The following NEB variants were observed in gnomAD, a reference collection of about 807,000 sequenced individuals.
The protein encoded by NEB is nemaline myopathy type 2.
Under a neutral mutation model 952.2 loss-of-function variants are expected in NEB, and 512 were observed. That is an observed-to-expected ratio of 0.54 (90% CI 0.50 to 0.58). NEB has a LOEUF of 0.58. NEB is among the 20% of genes least tolerant of loss of function. The probability of loss-of-function intolerance (pLI) is 0.00; values close to 1 mark genes in which losing one functional copy is unlikely to be tolerated. For missense variants in NEB, 8,428 were observed against 9,231.1 expected, an observed-to-expected ratio of 0.91 and a Z score of 3.56; for synonymous variants, 2,900 against 3,149.8, an observed-to-expected ratio of 0.92 and a Z score of 2.66.
chr2:151,720,931 A>G (rs1390434945), intron 9 of NEB, among the ~76,000 whole-genome samples: 2 of 152,194 alleles, frequency 1.3e-5, no homozygotes, highest in African/African-American at 4.8e-5. Flanking sequence ...TTTCTAATTT[A>G]TCCATAGGAT....
At chr2:151,648,007 T>G (rs1316017936) in intron 54 of NEB, among the ~76,000 whole-genome samples, 1 of 152,120 alleles carries the variant, frequency 6.6e-6, no homozygotes, top group Non-Finnish European at 1.5e-5. Context: ...ATGAAGCAAT[T>G]TAATTTCTCA....
At chr2:151,569,405 C>T (rs1385828283) in intron 109 of NEB, 33 bp from the exon 110 acceptor site, 5 of 1,528,620 alleles carry the variant, frequency 3.3e-6, no homozygotes, top group South Asian at 1.1e-5. Flanking sequence ...AGTTCAGCAA[C>T]CCTGGTCATG....
At chr2:151,721,484 T>C (rs1383653394) in intron 9 of NEB, among the ~76,000 whole-genome samples, 1 of 152,152 alleles carries the variant, frequency 6.6e-6, no homozygotes, top group African/African-American at 2.4e-5. Context: ...CCTTTCTTCA[T>C]CACCACCCAT....
chr2:151,545,753 C>T lies in NEB; in HGVS notation c.20577+135G>A. 6.8e-6 allele frequency: 4 copies of T among 591,804 alleles called. 1 individual carries two copies. In the South Asian group the frequency reaches 7.1e-5, roughly 10 times the overall value. The allele number at this position is 591,804 out of a possible 1,614,324, so 36.7% of individuals were successfully genotyped here. The stretch of plus-strand genomic sequence containing the variant: ...TTGCTTAGACATAGTAGCCATTCCA[C>T]AGTTAAGAGGGGAAATATTTTACCT... On this transcript the variant is annotated intron_variant, in intron 135 of 181. Coordinates refer to ENST00000397345, the MANE Select transcript of NEB (RefSeq NM_001164508.2).
chr2:151,653,954 T>C, intron 52 of NEB, 38 bp downstream of exon 52: 1 of 1,383,998 alleles, frequency 7.2e-7, no homozygotes, highest in Non-Finnish European at 1.0e-6. Flanking sequence ...CTGATTCAGA[T>C]AAAAATATAG....
intron 17 of NEB, among the ~76,000 whole-genome samples, chr2:151,696,153 C>T (rs1036899678): frequency 1.3e-5 from 2 of 152,132 alleles, no homozygotes; most frequent in Non-Finnish European, 2.9e-5. Context: ...ACACTTAAAG[C>T]TCATATAATA....
Position 151,512,756 on chromosome 2 carries a change from G to T in NEB, c.23323C>A (p.Gln7775Lys). 6.2e-7 allele frequency: 1 copy of T among 1,613,654 alleles called. No individual in the cohort carries two copies. The highest frequency in any genetic ancestry group is 1.1e-5 in the South Asian group (1 of 91,034). The change falls in exon 161 of 182, where the codon CAA becomes AAA. Residue 7775 changes from glutamine (Q) to lysine (K), a missense_variant. Gln to Lys is a moderately conservative substitution (Grantham distance 53, BLOSUM62 1). Coordinates refer to ENST00000397345, the MANE Select transcript of NEB (RefSeq NM_001164508.2). ...ACCTGGCTTGAAAGATTCTTGACTTGTTGGGCATGAATGATCTCTGGAGTA... is the reference window on the plus strand; with the variant it reads ...ACCTGGCTTGAAAGATTCTTGACTTTTTGGGCATGAATGATCTCTGGAGTA... ...VDTPEIIHAQ[Q>K]VKNLSSQKKY...
Position 151,717,500 on chromosome 2 carries a change from G to A in NEB, c.738C>T (p.Leu246=), listed in dbSNP as rs368500993. 2.5e-5 allele frequency: 41 copies of A among 1,613,714 alleles called. No individual in the cohort carries two copies. The highest frequency in any genetic ancestry group is 1.2e-4 in the African/African-American group (9 of 75,030). ...ALSDVAYKKG[L]AEQQAQFTPL... The stretch of plus-strand genomic sequence containing the variant: ...GCGTGAATTGAGCTTGCTGTTCAGC[G>A]AGACCTTTTTTGTAGGCAACCTGAT... Residue 246 remains leucine, a synonymous_variant, in exon 10 of 182, where the codon CTC becomes CTT. Transcript: ENST00000397345.
In NEB at chr2:151,625,550, T is replaced by G; in HGVS notation, c.10436A>C (p.Lys3479Thr). Residue 3479 changes from lysine (K) to threonine (T), a missense_variant, in exon 71 of 182, where the codon AAA (lysine) becomes ACA (threonine). Lys to Thr is a moderately conservative substitution (Grantham distance 78). Transcript: ENST00000397345. ...TPEIMLARQN[K>T]INYSESLYRQ... Reference sequence around the variant, plus strand: ...TGATCTTACCTCACTATAATTTATTTTATTTTGTCTTGCCAACATGATTTC... The same window carrying G: ...TGATCTTACCTCACTATAATTTATTGTATTTTGTCTTGCCAACATGATTTC... 6.3e-7 allele frequency: 1 copy of G among 1,598,302 alleles called. No individual in the cohort carries two copies.
Position 151,656,329 on chromosome 2 carries a change from CAT to C in NEB, c.6317_6318del (p.Tyr2106Ter). ...GTGTGGTAGCTGGTCTTTGTGTTCTCATAGTTTTTCTTGTACTCCCGATCAGA... is the reference window on the plus strand; with the variant it reads ...GTGTGGTAGCTGGTCTTTGTGTTCTCAGTTTTTCTTGTACTCCCGATCAGA... ...MQSDREYKKNYENTKTSYHTP... is the reference protein window; with the variant it reads ...MQSDREYKKNXENTKTSYHTP... On this transcript the variant is annotated frameshift_variant, in exon 49 of 182. Transcript: ENST00000397345. LOFTEE classifies it high-confidence loss of function. 6.2e-7 allele frequency: 1 copy of C among 1,613,630 alleles called. No individual in the cohort carries two copies.
At position 151,570,428 on chromosome 2, in the gene NEB, A is replaced by T. The variant is rs756336950; in HGVS notation, c.17119-36T>A. ...AAAAATAAAGCAGATGGGTCACAGC[A>T]TGTCCTCTTGATGCACCTAGGGCAT... On this transcript the variant is annotated intron_variant, in intron 108 of 181. Transcript: ENST00000397345. The T allele has an allele frequency of 1.7e-5, 27 of 1,584,194 alleles. No homozygotes were observed. In the East Asian group the frequency reaches 2.0e-4, roughly 12 times the overall value.
chr2:151,500,106 A>G lies in NEB; in HGVS notation c.24022-716T>C, dbSNP rs572148392. ...AAAAGGAATAATAATTACAACCCAC[A>G]GGGAAAACAATGAGTATAACATTCC... On this transcript the variant is annotated intron_variant, in intron 168 of 181. Coordinates refer to ENST00000397345, the MANE Select transcript of NEB (RefSeq NM_001164508.2). 5.4e-4 allele frequency among the ~76,000 whole-genome samples: 83 copies of G among 152,326 alleles called. 1 individual carries two copies. The highest frequency in any genetic ancestry group is 1.7e-3 in the African/African-American group (72 of 41,570).
At position 151,698,044 on chromosome 2, in the gene NEB, C is replaced by T. The variant is rs532950615; in HGVS notation, c.1153-396G>A. On this transcript the variant is annotated intron_variant, in intron 13 of 181. Transcript: ENST00000397345. ...TGGCGCCATTGCACTCCAGCCCGGG[C>T]GACAATGCGAGACTCCGTCTCAAAA... Among the ~76,000 whole-genome samples the T allele has an allele frequency of 3.3e-4, 50 of 150,764 alleles. 1 individual carries two copies. Among genetic ancestry groups the T allele is most frequent in the Middle Eastern group, 6.8e-3 (2 of 294 alleles).
chr2:151,706,798 A>G (rs1320772412), intron 13 of NEB, 83 bp downstream of exon 13: 1 of 938,466 alleles, frequency 1.1e-6, no homozygotes, highest in East Asian at 2.6e-5. Context: ...GCAAAGTTAT[A>G]TATTCATTTA....
intron 52 of NEB, among the ~76,000 whole-genome samples, chr2:151,652,509 G>A (rs1261002323): frequency 6.6e-6 from 1 of 152,162 alleles, no homozygotes; most frequent in African/African-American, 2.4e-5. Context: ...ATGGGACGGG[G>A]CCACTGCACC....
At position 151,491,682 on chromosome 2, in the gene NEB, C is replaced by T; in HGVS notation, c.25150+1G>A. ...TTGTAAGCCTTTTTCAGCTAACACACCATTAATCATGTGTAAGCTTCGGGA... is the reference window on the plus strand; with the variant it reads ...TTGTAAGCCTTTTTCAGCTAACACATCATTAATCATGTGTAAGCTTCGGGA... On this transcript the variant is annotated splice_donor_variant, in intron 179 of 181. Transcript: ENST00000397345. LOFTEE classifies it high-confidence loss of function. The T allele has an allele frequency of 1.3e-6, 2 of 1,581,624 alleles. No homozygotes were observed. Among genetic ancestry groups the T allele is most frequent in the Non-Finnish European group, 1.7e-6 (2 of 1,161,132 alleles).
chr2:151,619,451 G>A lies in NEB; in HGVS notation c.10872C>T (p.Asp3624=), dbSNP rs781328083. 23 of 1,588,954 alleles carry A rather than the reference G, an allele frequency of 1.4e-5. 1 individual carries two copies. Among genetic ancestry groups the A allele is most frequent in the East Asian group, 6.7e-5 (3 of 44,474 alleles). The part of the protein sequence containing the change: ...HARKAYDLQS[D]NLYKSDLEWM... ...CAGAGCTAACATCAAGGAAACTTAC[G>A]TCACTCTGGAGGTCATAGGCTTTCC... Residue 3624 remains aspartate, a splice_region_variant and synonymous_variant, in exon 73 of 182, where the codon GAC becomes GAT. Transcript: ENST00000397345.
chr2:151,729,627 C>T lies in NEB; in HGVS notation c.66G>A (p.Glu22=), dbSNP rs779531608. 4 of 1,613,278 alleles carry T rather than the reference C, an allele frequency of 2.5e-6. No homozygotes were observed. The African/African-American group carries it at 4.0e-5, about 16-fold the overall frequency. Residue 22 remains glutamate (E), a synonymous_variant, in exon 4 of 182, where the codon GAG becomes GAA. Transcript: ENST00000397345. ...EYYTEEVVYE[E]VPGETITKIY... ...GGCTGGGCCTTACCTCTCCCGGCACCTCTTCGTAAACCACTTCTTCTGTGT... is the reference window on the plus strand; with the variant it reads ...GGCTGGGCCTTACCTCTCCCGGCACTTCTTCGTAAACCACTTCTTCTGTGT...
Position 151,633,938 on chromosome 2 carries a change from G to T in NEB, c.9130C>A (p.Gln3044Lys), listed in dbSNP as rs1281249507. The stretch of plus-strand genomic sequence containing the variant: ...CGGGCTCCAATATGGTGGCCAAGTT[G>T]CTTGCAGTAACCATCTTTATATTTG... ...DYKYKDGYCK[Q>K]LGHHIGARNI... Residue 3044 changes from glutamine (Q) to lysine (K), a missense_variant, in exon 65 of 182, where the codon CAA becomes AAA. Around this residue, in one of 11 missense-constraint regions of NEB, gnomAD observed 1,772 missense variants for 1,960.3 expected, o/e 0.90. Transcript: ENST00000397345. 2.5e-6 allele frequency: 4 copies of T among 1,613,594 alleles called. No homozygotes were observed. The East Asian group carries it at 8.9e-5, about 36-fold the overall frequency.
Sources: gnomAD v4.1 joint callset for allele counts (sites outside exome capture counted in the v4.1 genomes callset) on GRCh38, gnomAD v4.1.1 for gene constraint, gnomAD v4.1.1 regional missense constraint, MANE v1.5 for transcripts, NCBI Gene and HGNC (gene_info 2026-07-23, HGNC 2026-07-21) for gene names.